COL9A3: variants seen among roughly 807,000 people sequenced by gnomAD.
The protein encoded by COL9A3 is collagen alpha-3(IX) chain.
Under a neutral mutation model 110.2 loss-of-function variants are expected in COL9A3, and 82 were observed. The ratio of observed to expected loss-of-function variants is 0.74; its 90% CI spans 0.62 to 0.89. The LOEUF is 0.89. Among genes scored for constraint, COL9A3 ranks in the 40% least tolerant of loss-of-function variants. The pLI, the probability that COL9A3 is intolerant of heterozygous loss-of-function variation, is 0.00. For missense variants in COL9A3, 1,066 were observed against 981.3 expected (o/e 1.09, Z -1.15); for synonymous variants, 494 against 403.8 (o/e 1.22, Z -2.68).
At position 62,840,678 on chromosome 20, in the gene COL9A3, C is replaced by T. The variant is rs780463646; in HGVS notation, c.2001C>T (p.Cys667=). 5 of 1,603,646 alleles carry T rather than the reference C, an allele frequency of 3.1e-6. No individual in the cohort carries two copies. Among genetic ancestry groups the T allele is most frequent in the South Asian group, 2.2e-5 (2 of 89,442 alleles). Residue 667 remains cysteine (C), a synonymous_variant, in exon 32 of 32, where the codon TGC becomes TGT. Transcript: ENST00000649368. ...CGGGGATCTGCGACACCTCAGCCTG[C>T]CAAGGAGCCGTGTTAGGAGGGGTCG... ...GTPGICDTSA[C]QGAVLGGVGE...
At chr20:62,821,586 C>G (rs958896984) in intron 7 of COL9A3, 56 bp downstream of exon 7, 4 of 1,610,484 alleles carry the variant, frequency 2.5e-6, no homozygotes, top group Non-Finnish European at 3.4e-6. Context: ...CGAGAGCCTG[C>G]CAGGCTGGGA....
intron 5 of COL9A3, among the ~76,000 whole-genome samples, chr20:62,820,471 G>A (rs534340030): frequency 5.9e-5 from 9 of 152,314 alleles, no homozygotes; most frequent in South Asian, 2.1e-4. Context: ...TTCATAAGAC[G>A]TGGCTGTCAG....
rs1222718565 is a variant in COL9A3, at chr20:62,824,957, T to G, written c.577-11T>G. ...GTCTGGGTGGGGCAGTGACCCCACATTTGCTTGCAGGGACCCACTGGCTAC... is the reference window on the plus strand; with the variant it reads ...GTCTGGGTGGGGCAGTGACCCCACAGTTGCTTGCAGGGACCCACTGGCTAC... On this transcript the variant is annotated splice_polypyrimidine_tract_variant and intron_variant, in intron 11 of 31. Transcript: ENST00000649368. 1.9e-6 allele frequency: 3 copies of G among 1,607,766 alleles called. No homozygotes were observed. In the South Asian group the frequency reaches 3.3e-5, roughly 18 times the overall value.
At chr20:62,831,910 A>C (rs2147220163) in intron 24 of COL9A3, 1 of 584,286 alleles carries the variant, frequency 1.7e-6, no homozygotes, top group East Asian at 2.8e-5. Context: ...CGGGTGTTAC[A>C]AACAGTGCAA....
chr20:62,828,091 A>T (rs2063568896), intron 17 of COL9A3, 115 bp downstream of exon 17: 5 of 1,094,950 alleles, frequency 4.6e-6, no homozygotes, highest in Non-Finnish European at 6.8e-6. Flanking sequence ...GCCATCTTGA[A>T]ATCTGGGTTA....
At position 62,836,470 on chromosome 20, in the gene COL9A3, A is replaced by C. The variant is rs914997961; in HGVS notation, c.1549-8A>C. 14 of 1,613,586 alleles carry C rather than the reference A, an allele frequency of 8.7e-6. No homozygotes were observed. The highest frequency in any genetic ancestry group is 1.1e-5 in the Non-Finnish European group (13 of 1,179,836). On this transcript the variant is annotated splice_region_variant and splice_polypyrimidine_tract_variant and intron_variant, in intron 28 of 31. Coordinates refer to ENST00000649368, the MANE Select transcript of COL9A3 (RefSeq NM_001853.4). ...CCCATGCTGACGAATGTGTGGGGTGAATTCCAGGGGAAGGAGGCCAGCGAG... is the reference window on the plus strand; with the variant it reads ...CCCATGCTGACGAATGTGTGGGGTGCATTCCAGGGGAAGGAGGCCAGCGAG...
chr20:62,826,203 G>A lies in COL9A3; in HGVS notation c.685-1G>A. 6.4e-7 allele frequency: 1 copy of A among 1,560,268 alleles called. No homozygotes were observed. The highest frequency in any genetic ancestry group is 8.7e-7 in the Non-Finnish European group (1 of 1,152,764). ...TCTGCATCTGTGCCTCTCTCTCGCA[G>A]GGCCCCCGGGGATTACGAGGACTGC... is the stretch of plus-strand genomic sequence containing the variant. On this transcript the variant is annotated splice_acceptor_variant, in intron 13 of 31. Transcript: ENST00000649368. LOFTEE classifies it high-confidence loss of function.
rs977898091 is a variant in COL9A3, at chr20:62,817,597, C to T, written c.109C>T (p.Pro37Ser). The change falls in exon 2 of 32, where the codon CCA becomes TCA. Residue 37 changes from proline to serine, a missense_variant. Transcript: ENST00000649368. ...RVGLPGPPGP[P>S]GPPGKPGQDG... ...GGGACTCCCCGGCCCCCCCGGCCCC[C>T]CAGGGCCGCCCGGGAAGCCCGGCCA... is the stretch of plus-strand genomic sequence containing the variant. 7.1e-6 allele frequency: 11 copies of T among 1,547,206 alleles called. No homozygotes were observed. The highest frequency in any genetic ancestry group is 4.9e-5 in the East Asian group (2 of 40,820).
At chr20:62,816,524 C>CG (rs1692211720), upstream of COL9A3, among the ~76,000 whole-genome samples, 1 of 152,222 alleles carries the variant, frequency 6.6e-6, no homozygotes, top group Admixed American at 6.5e-5. Context: ...GCCCAGCAGG[C>CG]AGCGCTGGAC....
chr20:62,821,067 A>G (rs537261041), intron 5 of COL9A3, 114 bp from the exon 6 acceptor site: 1 of 1,093,006 alleles, frequency 9.1e-7, no homozygotes, highest in African/African-American at 1.5e-5. Context: ...TGAAGTGGGG[A>G]CTTGGACCCT....
Position 62,829,057 on chromosome 20 carries a change from G to C in COL9A3, c.1008+81G>C. The C allele has an allele frequency of 1.4e-6, 2 of 1,457,812 alleles. 1 individual carries two copies. The highest frequency in any genetic ancestry group is 2.4e-5 in the South Asian group (2 of 81,822). 90.3% of individuals were successfully genotyped at this position (1,457,812 alleles called of 1,614,324 possible). Reference sequence around the variant, plus strand: ...TGGCCCATGTTGGGCTGGGTGGGTTGGTCACTGTAGGGCCGACTCCCTGTG... The same window carrying C: ...TGGCCCATGTTGGGCTGGGTGGGTTCGTCACTGTAGGGCCGACTCCCTGTG... On this transcript the variant is annotated intron_variant, in intron 19 of 31. Coordinates refer to ENST00000649368, the MANE Select transcript of COL9A3 (RefSeq NM_001853.4).
At chr20:62,826,061 C>T in intron 13 of COL9A3, 143 bp from the exon 14 acceptor site, 1 of 1,097,442 alleles carries the variant, frequency 9.1e-7, no homozygotes, top group Non-Finnish European at 1.3e-6. Flanking sequence ...CTGGTGCCCC[C>T]TCCCTCTGGG....
In COL9A3 at chr20:62,836,546, G is replaced by T. The variant is rs910152; in HGVS notation, c.1603+14G>T. Reference sequence around the variant, plus strand: ...GGATGATCAGCGGTAAGTCAGCCACGTGCACCGGCTGCAGCGGGGCCCATC... The same window carrying T: ...GGATGATCAGCGGTAAGTCAGCCACTTGCACCGGCTGCAGCGGGGCCCATC... On this transcript the variant is annotated intron_variant, in intron 29 of 31. Coordinates refer to ENST00000649368, the MANE Select transcript of COL9A3 (RefSeq NM_001853.4). The T allele has an allele frequency of 6.2e-7, 1 of 1,603,748 alleles. No individual in the cohort carries two copies. The highest frequency in any genetic ancestry group is 1.7e-5 in the Admixed American group (1 of 58,446).
chr20:62,839,704 C>G (rs758214626), intron 31 of COL9A3, among the ~76,000 whole-genome samples: 253 of 66,586 alleles, frequency 3.8e-3, no homozygotes, highest in Non-Finnish European at 4.6e-3. Context: ...CTGGAGCCCT[C>G]TCCTCTCCTC....
At chr20:62,824,534 C>T (rs377658275) in intron 11 of COL9A3, 33 bp downstream of exon 11, 119 of 1,562,414 alleles carry the variant, frequency 7.6e-5, no homozygotes, top group Middle Eastern at 5.6e-4. Context: ...CCAAGCACCA[C>T]CCTGTGCTGG....
chr20:62,829,128 G>C (rs2063576232), intron 19 of COL9A3, 152 bp downstream of exon 19: 4 of 865,254 alleles, frequency 4.6e-6, no homozygotes, highest in Non-Finnish European at 7.1e-6. Flanking sequence ...ACAACCCCTG[G>C]TGCCCAGTGG....
intron 6 of COL9A3, 133 bp downstream of exon 6, chr20:62,821,349 G>C: frequency 7.6e-7 from 1 of 1,317,174 alleles, no homozygotes; most frequent in Non-Finnish European, 1.1e-6. Context: ...CCGGAGGCTG[G>C]TGCCTGGATG....
At chr20:62,821,914 C>A in intron 8 of COL9A3, 104 bp downstream of exon 8, 1 of 787,222 alleles carries the variant, frequency 1.3e-6, no homozygotes, top group Admixed American at 2.0e-5. Context: ...TCCCTTTCTC[C>A]CCCAACCCCA....
rs756630714 is a variant in COL9A3 at position 62,833,021 on chromosome 20, G to T, written c.1325G>T (p.Gly442Val). ...AACTTTGGGGTGTATCGTTTTCAGG[G>T]TATTGCAGGTTCCGACGGTCTTCCT... ...GGAAGPKGDQ[G>V]IAGSDGLPGD... is the part of the protein sequence containing the mutation. Residue 442 changes from glycine (G) to valine (V), a missense_variant and splice_region_variant, in exon 26 of 32, where the codon GGT becomes GTT. By Grantham distance (109) the Gly-to-Val change is moderately radical. Coordinates refer to ENST00000649368, the MANE Select transcript of COL9A3 (RefSeq NM_001853.4). 6.2e-7 allele frequency: 1 copy of T among 1,613,816 alleles called. No homozygotes were observed. Among genetic ancestry groups the T allele is most frequent in the Non-Finnish European group, 8.5e-7 (1 of 1,179,778 alleles).
Sources: allele counts gnomAD v4.1 joint callset (sites outside exome capture counted in the v4.1 genomes callset), GRCh38; gene constraint gnomAD v4.1.1; transcripts MANE v1.5; gene names NCBI Gene and HGNC (gene_info 2026-07-23, HGNC 2026-07-21).